MDN1: variants seen among roughly 807,000 people sequenced by gnomAD.
The protein encoded by MDN1 is midasin AAA ATPase 1.
MDN1 carries 266 observed loss-of-function variants against 669.2 expected under a neutral mutation model. The ratio of observed to expected loss-of-function variants is 0.40; its 90% confidence interval spans 0.36 to 0.44. The LOEUF (loss-of-function observed/expected upper bound fraction) is 0.44, where lower values mean the gene tolerates loss of function less well. Ranked by LOEUF, MDN1 falls within the 20% of genes least tolerant of loss-of-function variation. The pLI is 1.00. For synonymous variants in MDN1, 2,385 were observed against 2,457.1 expected (o/e 0.97, Z 0.87); for missense variants, 5,940 against 6,754.0 (o/e 0.88, Z 4.22).
intron 37 of MDN1, among the ~76,000 whole-genome samples, chr6:89,725,928 T>TATACAC (rs569505642): frequency 0.015 from 1,026 of 70,236 alleles, 3 homozygotes; most frequent in Non-Finnish European, 0.019. Flanking sequence ...TCTGGTATTT[T>TATACAC]ATACACACAC....
At chr6:89,819,172 G>A (rs987123079) in intron 1 of MDN1, among the ~76,000 whole-genome samples, 6 of 152,156 alleles carry the variant, frequency 3.9e-5, no homozygotes, top group African/African-American at 1.2e-4. Context: ...TTGTCAAAAC[G>A]GCAGAAACGC....
chr6:89,690,567 T>C, intron 64 of MDN1, 106 bp downstream of exon 64: 1 of 1,368,856 alleles, frequency 7.3e-7, no homozygotes, highest in Non-Finnish European at 1.0e-6. Context: ...CTAAAATACA[T>C]ACATACAGAG....
At chr6:89,710,584 T>C in intron 50 of MDN1, 97 bp downstream of exon 50, 1 of 581,400 alleles carries the variant, frequency 1.7e-6, no homozygotes, top group East Asian at 3.5e-5. Context: ...AAAAATACCG[T>C]TATGTTGAGA....
In MDN1 at chr6:89,661,074, C is replaced by T. The variant is rs1809723719; in HGVS notation, c.14713+357G>A. On this transcript the variant is annotated intron_variant, in intron 88 of 101. Transcript: ENST00000369393. Reference sequence around the variant, plus strand: ...CTAAAAAAGCTATAACTGGACTCCACGACAGCTTGGTATACCCAGACTGCA... The same window carrying T: ...CTAAAAAAGCTATAACTGGACTCCATGACAGCTTGGTATACCCAGACTGCA... Among the ~76,000 whole-genome samples the T allele has an allele frequency of 2.0e-5, 3 of 152,188 alleles. No individual in the cohort carries two copies. The South Asian group carries it at 6.2e-4, about 32-fold the overall frequency.
At chr6:89,791,040 A>G (rs528603317) in intron 5 of MDN1, among the ~76,000 whole-genome samples, 56 of 152,334 alleles carry the variant, frequency 3.7e-4, no homozygotes, top group African/African-American at 1.3e-3. Flanking sequence ...ATAAATAAAT[A>G]AAAATAAAAA....
At chr6:89,664,775 T>G (rs1810066888) in intron 84 of MDN1, 147 bp from the exon 85 acceptor site, 1 of 619,070 alleles carries the variant, frequency 1.6e-6, no homozygotes, top group Non-Finnish European at 2.6e-6. Flanking sequence ...CACATGGAAT[T>G]TGTAAAATTT....
chr6:89,696,777 G>C (rs1056443250), intron 59 of MDN1, among the ~76,000 whole-genome samples: 3 of 152,180 alleles, frequency 2.0e-5, no homozygotes, highest in Admixed American at 6.5e-5. Context: ...ATGAGCAATG[G>C]ATGCTTTAGT....
chr6:89,767,386 A>G (rs1817851167), intron 15 of MDN1, among the ~76,000 whole-genome samples: 1 of 152,244 alleles, frequency 6.6e-6, no homozygotes, highest in Non-Finnish European at 1.5e-5. Context: ...ACAATTTGCT[A>G]TAATGTAAAT....
chr6:89,769,181 T>G (rs1817962991), intron 15 of MDN1, among the ~76,000 whole-genome samples: 1 of 152,138 alleles, frequency 6.6e-6, no homozygotes, highest in Non-Finnish European at 1.5e-5. Flanking sequence ...GATAGGAATA[T>G]TTATCTTTTC....
intron 40 of MDN1, among the ~76,000 whole-genome samples, chr6:89,719,436 C>T (rs1225320436): frequency 2.0e-5 from 3 of 152,170 alleles, no homozygotes; most frequent in African/African-American, 4.8e-5. Flanking sequence ...GAGAACATAG[C>T]AGTCATATTC....
chr6:89,648,917 A>C, intron 97 of MDN1, among the ~76,000 whole-genome samples: 1 of 151,774 alleles, frequency 6.6e-6, no homozygotes, highest in Non-Finnish European at 1.5e-5. Flanking sequence ...TAAGCCCAGA[A>C]GGTTGAGGCC....
intron 7 of MDN1, 145 bp downstream of exon 7, chr6:89,789,635 G>T: frequency 8.8e-6 from 8 of 906,706 alleles, no homozygotes. Flanking sequence ...ATCAGATCAG[G>T]TAAGTAACCA....
chr6:89,690,691 C>G lies in MDN1; in HGVS notation c.10731G>C (p.Gln3577His). The G allele has an allele frequency of 6.2e-7, 1 of 1,614,134 alleles. No individual in the cohort carries two copies. Among genetic ancestry groups the G allele is most frequent in the Non-Finnish European group, 8.5e-7 (1 of 1,180,014 alleles). ...GCTCTACCTTTTCATGCAGGGGGAA[C>G]TGTTTTCTGAACTCCCGTTCTTCCT... ...EEEEEREFRK[Q>H]FPLHEKDFAD... Residue 3577 changes from glutamine (Q) to histidine (H), a missense_variant, in exon 64 of 102, where the codon CAG (glutamine) becomes CAC (histidine). Gln to His is a conservative substitution (Grantham distance 24). Coordinates refer to ENST00000369393, the MANE Select transcript of MDN1 (RefSeq NM_014611.3).
At chr6:89,662,262 A>T in intron 86 of MDN1, 23 bp from the exon 87 acceptor site, 1 of 1,596,884 alleles carries the variant, frequency 6.3e-7, no homozygotes, top group Non-Finnish European at 8.5e-7. Flanking sequence ...GGAAGAAAAA[A>T]CAATCATCAC....
At chr6:89,699,422 C>T (rs1047570023) in intron 58 of MDN1, among the ~76,000 whole-genome samples, 179 bp downstream of exon 58, 1 of 151,854 alleles carries the variant, frequency 6.6e-6, no homozygotes, top group African/African-American at 2.4e-5. Context: ...TGTAATATAC[C>T]CTCATAATTA....
Position 89,725,180 on chromosome 6 carries a change from T to C in MDN1, c.5670+19A>G, listed in dbSNP as rs375882121. On this transcript the variant is annotated intron_variant, in intron 38 of 101. Transcript: ENST00000369393. ...CCTCCGAGTCTATCTTTGGTCTCTA[T>C]GGCAACAGCAAATCTTACCTGAGTG... 6.8e-5 allele frequency: 110 copies of C among 1,612,312 alleles called. No individual in the cohort carries two copies. Among genetic ancestry groups the C allele is most frequent in the Middle Eastern group, 3.3e-4 (2 of 6,078 alleles).
rs781255893 is a variant in MDN1 at position 89,729,131 on chromosome 6, G to T, written c.5149C>A (p.Leu1717Ile). 1 of 1,612,320 alleles carries T rather than the reference G, an allele frequency of 6.2e-7. No homozygotes were observed. Among genetic ancestry groups the T allele is most frequent in the Admixed American group, 1.7e-5 (1 of 59,936 alleles). ...HPFFIPRGPV[L>I]HRNNIADYAL... ...TAGTCTGCAATATTATTCCTGTGTAGGACAGGTCCTTAAGTGGAGAAAAGT... is the reference window on the plus strand; with the variant it reads ...TAGTCTGCAATATTATTCCTGTGTATGACAGGTCCTTAAGTGGAGAAAAGT... Residue 1717 changes from leucine to isoleucine, a missense_variant, in exon 36 of 102, where the codon CTA becomes ATA. This residue lies in a region of MDN1 where 2,292 missense variants were observed against 2,638.3 expected (regional missense o/e 0.87). Coordinates refer to ENST00000369393, the MANE Select transcript of MDN1 (RefSeq NM_014611.3).
At chr6:89,791,259 A>G (rs999484752) in intron 5 of MDN1, among the ~76,000 whole-genome samples, 2 of 152,176 alleles carry the variant, frequency 1.3e-5, no homozygotes, top group Non-Finnish European at 2.9e-5. Flanking sequence ...TCCTTTCCCC[A>G]TATTCTAGGA....
rs116710002 is a variant in MDN1, at chr6:89,696,389, G to A, written c.9354C>T (p.Asn3118=). Reference sequence around the variant, plus strand: ...ATTCTGCTACTGAAGAGATAGCCATGTTAGTCCAAAGCATCGAACTGATGT... The same window carrying A: ...ATTCTGCTACTGAAGAGATAGCCATATTAGTCCAAAGCATCGAACTGATGT... The part of the protein sequence containing the change: ...LQDISSMLWT[N]MAISSVAEFR... Residue 3118 remains asparagine (N), a synonymous_variant, in exon 60 of 102, where the codon AAC becomes AAT. Transcript: ENST00000369393. The A allele has an allele frequency of 6.4e-5, 103 of 1,614,192 alleles. 1 individual carries two copies. In the East Asian group the frequency reaches 2.2e-3, roughly 35 times the overall value.
Sources: allele counts gnomAD v4.1 joint callset (sites outside exome capture counted in the v4.1 genomes callset), GRCh38; gene constraint gnomAD v4.1.1; regional missense constraint gnomAD v4.1.1; transcripts MANE v1.5; gene names NCBI Gene and HGNC (gene_info 2026-07-23, HGNC 2026-07-21).